Variants in DCC observed in about 807,000 individuals in gnomAD.
The protein encoded by DCC is DCC netrin 1 receptor.
A neutral mutation model predicts 172.5 loss-of-function variants in DCC; 58 were observed. The ratio of observed to expected loss-of-function variants is 0.34; its 90% CI spans 0.27 to 0.42. DCC has a LOEUF of 0.42. Ranked by LOEUF, DCC falls within the 10% of genes least tolerant of loss-of-function variation. The pLI, the probability that DCC is intolerant of heterozygous loss-of-function variation, is 1.00. For missense variants in DCC, 1,740 were observed against 1,791.0 expected (o/e 0.97, Z 0.51); for synonymous variants, 709 against 644.5 (o/e 1.10, Z -1.52).
chr18:52,979,575 C>T (rs547346415), intron 5 of DCC, among the ~76,000 whole-genome samples: 1 of 152,246 alleles, frequency 6.6e-6, no homozygotes, highest in Admixed American at 6.5e-5. Context: ...ATTCCCTCTC[C>T]CAAGTAAGGA....
intron 1 of DCC, among the ~76,000 whole-genome samples, chr18:52,431,271 G>A (rs539784788): frequency 2.2e-4 from 33 of 151,896 alleles, no homozygotes; most frequent in Admixed American, 8.5e-4. Flanking sequence ...CTCTAGTCCC[G>A]GAGGTAAAGA....
chr18:52,726,107 G>C (rs1348031039), intron 1 of DCC, among the ~76,000 whole-genome samples: 3 of 152,200 alleles, frequency 2.0e-5, no homozygotes, highest in African/African-American at 7.2e-5. Flanking sequence ...GAATGACCAA[G>C]TGTTGAACAC....
chr18:53,407,363 G>A (rs923419506), intron 19 of DCC, among the ~76,000 whole-genome samples: 1 of 151,058 alleles, frequency 6.6e-6, no homozygotes, highest in South Asian at 2.1e-4. Flanking sequence ...TTTTTGGGGG[G>A]AATAAAAAAG....
At chr18:52,526,788 A>G (rs1598888333) in intron 1 of DCC, among the ~76,000 whole-genome samples, 1 of 152,166 alleles carries the variant, frequency 6.6e-6, no homozygotes, top group Non-Finnish European at 1.5e-5. Context: ...GCCTGCACAG[A>G]CACAGTTACA....
intron 2 of DCC, among the ~76,000 whole-genome samples, chr18:52,873,626 G>A (rs2039357235): frequency 2.0e-5 from 3 of 152,160 alleles, no homozygotes; most frequent in Admixed American, 6.5e-5. Flanking sequence ...ATTCACCAAG[G>A]GGGTAAATAG....
At chr18:53,386,698 T>C (rs953607335) in intron 16 of DCC, among the ~76,000 whole-genome samples, 3 of 152,182 alleles carry the variant, frequency 2.0e-5, no homozygotes, top group African/African-American at 7.2e-5. Context: ...CTTAAAGGGA[T>C]AGCTGATTTA....
Position 53,402,877 on chromosome 18 carries a change from C to T in DCC, c.2919C>T (p.Ala973=). 1.2e-6 allele frequency: 2 copies of T among 1,612,994 alleles called. No individual in the cohort carries two copies. Among genetic ancestry groups the T allele is most frequent in the Non-Finnish European group, 1.7e-6 (2 of 1,178,998 alleles). ...TGAGTTGGCAGCCTCCCTTGGAAGC[C>T]AATGGGAAAATTACTGGTAAGCATC... ...VIVSWQPPLE[A]NGKITAYILF... Residue 973 remains alanine (A), a synonymous_variant, in exon 19 of 29, where the codon GCC becomes GCT. Transcript: ENST00000442544.
chr18:53,111,319 T>C (rs1243818162), intron 7 of DCC, among the ~76,000 whole-genome samples: 1 of 149,940 alleles, frequency 6.7e-6, no homozygotes, highest in Admixed American at 6.7e-5. Context: ...TTACTGGGTG[T>C]AGCACACCAA....
chr18:52,962,656 G>A (rs577989983), intron 5 of DCC, among the ~76,000 whole-genome samples: 153 of 151,942 alleles, frequency 1.0e-3, no homozygotes, highest in African/African-American at 3.6e-3. Context: ...ACATGCACAT[G>A]TATGTTTATT....
chr18:53,212,921 C>T (rs2055780560), intron 11 of DCC, among the ~76,000 whole-genome samples: 1 of 152,134 alleles, frequency 6.6e-6, no homozygotes, highest in African/African-American at 2.4e-5. Flanking sequence ...AGCCACCTCC[C>T]TCGGGCTCCC....
intron 1 of DCC, among the ~76,000 whole-genome samples, chr18:52,475,994 C>T (rs1442782888): frequency 6.6e-6 from 1 of 152,044 alleles, no homozygotes; most frequent in Non-Finnish European, 1.5e-5. Flanking sequence ...CAGCTGCATG[C>T]ACTATTTTGG....
At chr18:52,892,154 C>A (rs1195587224) in intron 2 of DCC, among the ~76,000 whole-genome samples, 1 of 152,020 alleles carries the variant, frequency 6.6e-6, no homozygotes, top group Non-Finnish European at 1.5e-5. Context: ...ATAAATACTT[C>A]TTGATGCTTT....
intron 1 of DCC, among the ~76,000 whole-genome samples, chr18:52,498,036 A>T (rs868528497): frequency 1.3e-5 from 2 of 152,234 alleles, no homozygotes; most frequent in East Asian, 3.8e-4. Flanking sequence ...ACAAAAAGGA[A>T]TAAGTGTGGC....
chr18:53,305,499 AC>A (rs1330458982), intron 12 of DCC, 78 bp from the exon 13 acceptor site: 11 of 1,185,496 alleles, frequency 9.3e-6, no homozygotes, highest in Non-Finnish European at 1.3e-5. Flanking sequence ...CTTCACACTT[AC>A]GTTTGGGTTA....
intron 1 of DCC, among the ~76,000 whole-genome samples, chr18:52,656,080 A>ATGTG (rs59549711): frequency 2.8e-5 from 4 of 143,552 alleles, no homozygotes; most frequent in African/African-American, 1.0e-4. Flanking sequence ...GTGTATATAT[A>ATGTG]TGTGTGTGTG....
At chr18:53,504,616 A>G (rs2046147046) in intron 27 of DCC, among the ~76,000 whole-genome samples, 2 of 152,188 alleles carry the variant, frequency 1.3e-5, no homozygotes, top group Admixed American at 1.3e-4. Flanking sequence ...CATTGGTAAA[A>G]TGTAATTAAG....
chr18:52,434,337 A>G (rs1336280318), intron 1 of DCC, among the ~76,000 whole-genome samples: 1 of 152,162 alleles, frequency 6.6e-6, no homozygotes, highest in Non-Finnish European at 1.5e-5. Context: ...CAAACATGCT[A>G]CTAAACATCT....
intron 7 of DCC, among the ~76,000 whole-genome samples, chr18:53,156,507 C>T (rs2054737155): frequency 6.7e-6 from 1 of 150,222 alleles, no homozygotes; most frequent in Non-Finnish European, 1.5e-5. Context: ...AAAAAAGAAT[C>T]AACTTCGTTA....
intron 12 of DCC, among the ~76,000 whole-genome samples, chr18:53,259,602 C>CTT (rs888602997): frequency 4.6e-5 from 7 of 152,112 alleles, no homozygotes; most frequent in Non-Finnish European, 7.4e-5. Context: ...ATGGGCTTCC[C>CTT]TTTGTGGGTA....
Sources: gnomAD v4.1 joint callset for allele counts (sites outside exome capture counted in the v4.1 genomes callset) on GRCh38, gnomAD v4.1.1 for gene constraint, MANE v1.5 for transcripts, NCBI Gene and HGNC (gene_info 2026-07-23, HGNC 2026-07-21) for gene names.